RUNX1: variants seen among roughly 807,000 people sequenced by gnomAD.
RUNX1 encodes the protein RUNX family transcription factor 1, also known as runt-related transcription factor 1.
Under a neutral mutation model 42.8 loss-of-function variants are expected in RUNX1, and 19 were observed. The observed-to-expected ratio is 0.44, with a 90% confidence interval of 0.31 to 0.65. The LOEUF is 0.65. Ranked by LOEUF, RUNX1 falls within the 30% of genes least tolerant of loss-of-function variation. The pLI, the probability that RUNX1 is intolerant of heterozygous loss-of-function variation, is 0.07. For synonymous variants in RUNX1, 271 were observed against 289.4 expected (o/e 0.94, Z 0.64); for missense variants, 528 against 672.0 (o/e 0.79, Z 2.37).
chr21:34,964,249 G>A (rs2058702119), intron 2 of RUNX1, among the ~76,000 whole-genome samples: 2 of 152,154 alleles, frequency 1.3e-5, no homozygotes, highest in Admixed American at 6.5e-5. Flanking sequence ...AGCACTATGG[G>A]AGGCCGAGGT....
At chr21:34,853,931 G>C (rs1469492008) in intron 6 of RUNX1, among the ~76,000 whole-genome samples, 1 of 151,614 alleles carries the variant, frequency 6.6e-6, no homozygotes, top group African/African-American at 2.4e-5. Context: ...TCCTGCCTCA[G>C]CCTCCTGAGG....
At position 34,788,302 on chromosome 21, in the gene RUNX1, AT is replaced by A. The variant is rs1209354842; in HGVS notation, c.*3832del. 1.3e-5 allele frequency: 3 copies of A among 233,386 alleles called. No individual in the cohort carries two copies. The highest frequency in any genetic ancestry group is 2.5e-5 in the Non-Finnish European group (3 of 117,984). 14.5% of individuals were successfully genotyped at this position (233,386 alleles called of 1,614,324 possible). ...TACCGTCATTTCAATTTGAAAGTTT[AT>A]TTTTTTCCATTGATTTTTATACATC... On this transcript the variant is annotated 3_prime_UTR_variant, in exon 9 of 9. Transcript: ENST00000675419.
In RUNX1 at chr21:34,886,138, C is replaced by G. The variant is rs556574017; in HGVS notation, c.351+705G>C. On this transcript the variant is annotated intron_variant, in intron 4 of 8. Transcript: ENST00000675419. Reference sequence around the variant, plus strand: ...ACCCCTGGCTCTCCGAAAACAGCCTCGTCACCTTTCGCTACCCCTGGCTTA... The same window carrying G: ...ACCCCTGGCTCTCCGAAAACAGCCTGGTCACCTTTCGCTACCCCTGGCTTA... Among the ~76,000 whole-genome samples the G allele has an allele frequency of 1.9e-3, 287 of 152,340 alleles. 1 individual carries two copies. The highest frequency in any genetic ancestry group is 6.6e-3 in the African/African-American group (275 of 41,588).
At chr21:34,888,490 AAG>A in intron 3 of RUNX1, 1 of 1,066,382 alleles carries the variant, frequency 9.4e-7, no homozygotes, top group Non-Finnish European at 1.1e-6. Flanking sequence ...ATTCAAAAGG[AAG>A]AAAGGGGAAA....
rs879354566 is a variant in RUNX1, at chr21:34,790,395, G to A, written c.*1740C>T. The A allele has an allele frequency of 2.6e-5, 6 of 233,598 alleles. No homozygotes were observed. Among genetic ancestry groups the A allele is most frequent in the Admixed American group, 5.6e-5 (1 of 17,798 alleles). The allele number at this position is 233,598 out of a possible 1,614,324, so 14.5% of individuals were successfully genotyped here. A position where few individuals can be genotyped will look rare whatever the true frequency, so the allele number is the denominator to read the frequency against. ...TACTCTTCAGAGTTGACCTGAAATC[G>A]TTTCAACGAATTTTAAGAGGTACGT... On this transcript the variant is annotated 3_prime_UTR_variant, in exon 9 of 9. Transcript: ENST00000675419.
At chr21:35,029,352 G>A (rs547564009) in intron 2 of RUNX1, among the ~76,000 whole-genome samples, 4 of 152,190 alleles carry the variant, frequency 2.6e-5, no homozygotes, top group Non-Finnish European at 4.4e-5. Context: ...ATCATTGGCC[G>A]TGTCACCTTG....
At chr21:34,976,176 T>A (rs1022743454) in intron 2 of RUNX1, among the ~76,000 whole-genome samples, 3 of 152,082 alleles carry the variant, frequency 2.0e-5, no homozygotes, top group African/African-American at 7.2e-5. Flanking sequence ...TTTCACACTG[T>A]TCAAGCTCAA....
intron 2 of RUNX1, among the ~76,000 whole-genome samples, chr21:35,009,498 T>C (rs964901575): frequency 1.3e-4 from 20 of 152,214 alleles, no homozygotes; most frequent in Non-Finnish European, 5.9e-5. Context: ...ATTTTAGTGT[T>C]AATTACACAT....
rs768400271 is a variant in RUNX1 at position 34,792,984 on chromosome 21, A to G, written c.968-374T>C. On this transcript the variant is annotated intron_variant, in intron 8 of 8. Coordinates refer to ENST00000675419, the MANE Select transcript of RUNX1 (RefSeq NM_001754.5). The surrounding 1 kb of genome is among the most constrained non-coding windows in gnomAD (Gnocchi z 6.9). Reference sequence around the variant, plus strand: ...ACCACCCAGGATGACACCACCTGGGAGGATGGAGACCACCCAGGATGCTAC... The same window carrying G: ...ACCACCCAGGATGACACCACCTGGGGGGATGGAGACCACCCAGGATGCTAC... Among the ~76,000 whole-genome samples, 1 of 146,576 alleles carries G rather than the reference A, an allele frequency of 6.8e-6. No individual in the cohort carries two copies. Among genetic ancestry groups the G allele is most frequent in the Non-Finnish European group, 1.5e-5 (1 of 66,488 alleles).
chr21:34,836,192 C>T (rs1332688476), intron 6 of RUNX1, among the ~76,000 whole-genome samples: 7 of 152,332 alleles, frequency 4.6e-5, no homozygotes, highest in South Asian at 2.1e-4. Context: ...TCTGATTCAG[C>T]GCTCCAGCCC....
At chr21:34,848,286 C>T (rs1256332814) in intron 6 of RUNX1, among the ~76,000 whole-genome samples, 1 of 152,210 alleles carries the variant, frequency 6.6e-6, no homozygotes, top group Non-Finnish European at 1.5e-5. Context: ...TGCTCCAGCT[C>T]GCCTTTCAGG....
At position 34,799,316 on chromosome 21, in the gene RUNX1, A is replaced by T. The variant is rs545554349; in HGVS notation, c.952T>A (p.Ser318Thr). 1 of 1,614,194 alleles carries T rather than the reference A, an allele frequency of 6.2e-7. No homozygotes were observed. The highest frequency in any genetic ancestry group is 8.5e-7 in the Non-Finnish European group (1 of 1,180,026). ...SGMTTLSAELSSRLSTAPDLT... is the reference protein window; with the variant it reads ...SGMTTLSAELTSRLSTAPDLT... ...AGTGGCTTACTTGAGAGTCGACTGG[A>T]AAGTTCTGCAGAGAGGGTTGTCATG... Residue 318 changes from serine to threonine, a missense_variant, in exon 8 of 9, where the codon TCC (serine) becomes ACC (threonine). Transcript: ENST00000675419.
chr21:34,999,459 C>T (rs115795121), intron 2 of RUNX1, among the ~76,000 whole-genome samples: 32 of 152,324 alleles, frequency 2.1e-4, no homozygotes, highest in African/African-American at 6.7e-4. Flanking sequence ...GGGAGACCTG[C>T]GCTTCCTGAT....
chr21:35,017,134 C>T (rs2059165107), intron 2 of RUNX1, among the ~76,000 whole-genome samples: 1 of 152,100 alleles, frequency 6.6e-6, no homozygotes, highest in South Asian at 2.1e-4. Flanking sequence ...TCTTTGTCTA[C>T]CTTCTGTTCC....
intron 2 of RUNX1, among the ~76,000 whole-genome samples, chr21:34,922,045 C>T (rs2834676): frequency 0.35 from 52,768 of 152,082 alleles, 10,891 homozygotes; most frequent in East Asian, 0.55. Context: ...ACTTCCAACC[C>T]TCCTGATAGA....
intron 7 of RUNX1, among the ~76,000 whole-genome samples, chr21:34,819,164 G>A (rs1029075960): frequency 6.6e-6 from 1 of 152,176 alleles, no homozygotes; most frequent in African/African-American, 2.4e-5. Context: ...ATTACACTTG[G>A]GAGGAAACTC....
intron 2 of RUNX1, among the ~76,000 whole-genome samples, chr21:35,030,352 TA>T (rs2059264738): frequency 6.7e-6 from 1 of 150,036 alleles, no homozygotes; most frequent in Non-Finnish European, 1.5e-5. Context: ...CAAAAAAAAA[TA>T]AAAAATAAAA....
intron 6 of RUNX1, among the ~76,000 whole-genome samples, chr21:34,837,549 T>C (rs2057165723): frequency 6.6e-6 from 1 of 152,220 alleles, no homozygotes; most frequent in Non-Finnish European, 1.5e-5. Context: ...AATGAATACT[T>C]TATGTCTTCA....
intron 2 of RUNX1, among the ~76,000 whole-genome samples, chr21:35,018,329 A>G (rs949437695): frequency 3.3e-5 from 5 of 152,036 alleles, no homozygotes; most frequent in Admixed American, 2.6e-4. Context: ...CCTGGCCCCA[A>G]ATTCATATTT....
Sources: allele counts gnomAD v4.1 joint callset (sites outside exome capture counted in the v4.1 genomes callset), GRCh38; gene constraint gnomAD v4.1.1; non-coding constraint Gnocchi (gnomAD v3.1); transcripts MANE v1.5; gene names NCBI Gene and HGNC (gene_info 2026-07-23, HGNC 2026-07-21).